The following FAF1 variants were observed in gnomAD, a reference collection of about 807,000 sequenced individuals.
The protein encoded by FAF1 is FAS-associated factor 1.
In FAF1, 25 loss-of-function variants were observed where a neutral mutation model predicts 92.5. The observed-to-expected ratio is 0.27, with a 90% CI of 0.20 to 0.38. The LOEUF is 0.38. Ranked by LOEUF, FAF1 falls within the 10% of genes least tolerant of loss-of-function variation. FAF1 has a pLI of 1.00. For synonymous variants in FAF1, 234 were observed against 273.2 expected, an observed-to-expected ratio of 0.86 and a Z score of 1.42; for missense variants, 636 against 793.3, an observed-to-expected ratio of 0.80 and a Z score of 2.38.
intron 4 of FAF1, among the ~76,000 whole-genome samples, chr1:50,772,964 G>T (rs1017812754): frequency 3.9e-5 from 6 of 152,144 alleles, no homozygotes; most frequent in Non-Finnish European, 7.4e-5. Flanking sequence ...AACAAGAAAT[G>T]ATTTAATGGC....
intron 8 of FAF1, among the ~76,000 whole-genome samples, chr1:50,610,442 TTAAAA>T (rs1557433806): frequency 1.3e-5 from 2 of 152,200 alleles, no homozygotes; most frequent in African/African-American, 4.8e-5. Flanking sequence ...AGAAACCATG[TTAAAA>T]TAAAAACAAA....
chr1:50,760,742 T>C lies in FAF1; in HGVS notation c.368-15967A>G, dbSNP rs576155012. On this transcript the variant is annotated intron_variant, in intron 4 of 18. Coordinates refer to ENST00000396153, the MANE Select transcript of FAF1 (RefSeq NM_007051.3). ...TGCCCACAAGAGAAAGCTGGAAAGA[T>C]CCAAAATTGACACCCTAACATCACA... 7.5e-4 allele frequency among the ~76,000 whole-genome samples: 114 copies of C among 151,772 alleles called. 1 individual carries two copies. Among genetic ancestry groups the C allele is most frequent in the African/African-American group, 2.7e-3 (110 of 41,338 alleles).
At chr1:50,934,429 T>A (rs1291893485) in intron 1 of FAF1, among the ~76,000 whole-genome samples, 2 of 152,184 alleles carry the variant, frequency 1.3e-5, no homozygotes, top group African/African-American at 4.8e-5. Context: ...TTTGATCATA[T>A]AACACTGTCT....
intron 15 of FAF1, among the ~76,000 whole-genome samples, chr1:50,526,857 A>AC (rs1647834481): frequency 6.9e-6 from 1 of 145,428 alleles, no homozygotes; most frequent in Non-Finnish European, 1.5e-5. Context: ...TTACCTGACG[A>AC]CTTTTTTTTT....
intron 13 of FAF1, among the ~76,000 whole-genome samples, chr1:50,551,568 A>G (rs1283664723): frequency 6.6e-6 from 1 of 152,254 alleles, no homozygotes; most frequent in Non-Finnish European, 1.5e-5. Flanking sequence ...ATGAACAATT[A>G]GAATACAGTA....
At chr1:50,589,733 A>T (rs1421969828) in intron 9 of FAF1, among the ~76,000 whole-genome samples, 1 of 152,210 alleles carries the variant, frequency 6.6e-6, no homozygotes, top group Non-Finnish European at 1.5e-5. Flanking sequence ...CATTAGTGTC[A>T]TACCAAGATA....
chr1:50,612,274 C>T, intron 8 of FAF1: 1 of 869,922 alleles, frequency 1.1e-6, no homozygotes, highest in Non-Finnish European at 1.6e-6. Flanking sequence ...TCTACAATCA[C>T]AACAAATTCA....
intron 1 of FAF1, among the ~76,000 whole-genome samples, chr1:50,955,984 G>A (rs1645263607): frequency 6.6e-6 from 1 of 152,172 alleles, no homozygotes; most frequent in Non-Finnish European, 1.5e-5. Context: ...GCCAGGGGCT[G>A]AGGAGAGAGG....
intron 15 of FAF1, among the ~76,000 whole-genome samples, chr1:50,499,023 C>G (rs774572263): frequency 1.3e-5 from 2 of 152,100 alleles, no homozygotes; most frequent in Non-Finnish European, 2.9e-5. Context: ...TATATACCTA[C>G]AGTGGAATAT....
intron 2 of FAF1, among the ~76,000 whole-genome samples, chr1:50,836,140 T>C (rs1365711559): frequency 6.6e-6 from 1 of 151,598 alleles, no homozygotes; most frequent in Non-Finnish European, 1.5e-5. Context: ...TTGGGGATTT[T>C]GTGTGTGTGT....
intron 7 of FAF1, among the ~76,000 whole-genome samples, chr1:50,681,233 G>A (rs1656406996): frequency 6.6e-6 from 1 of 152,006 alleles, no homozygotes; most frequent in African/African-American, 2.4e-5. Flanking sequence ...TTTTAGTAGA[G>A]ACAGGGTTTA....
intron 2 of FAF1, among the ~76,000 whole-genome samples, chr1:50,811,882 C>G (rs1643918794): frequency 6.6e-6 from 1 of 152,018 alleles, no homozygotes; most frequent in African/African-American, 2.4e-5. Context: ...ACCCATGGAA[C>G]AGAATAGAGA....
intron 1 of FAF1, among the ~76,000 whole-genome samples, chr1:50,897,487 T>C (rs1264574146): frequency 1.3e-5 from 2 of 152,234 alleles, no homozygotes; most frequent in African/African-American, 4.8e-5. Flanking sequence ...TATTATAAAA[T>C]ATATGGCTAT....
chr1:50,922,166 C>CA (rs764328893), intron 1 of FAF1, among the ~76,000 whole-genome samples: 2,409 of 116,964 alleles, frequency 0.021, 29 homozygotes, highest in Middle Eastern at 0.048. Flanking sequence ...GACTCCGTCT[C>CA]AAAAAAAAAA....
Position 50,441,045 on chromosome 1 carries a change from C to T in FAF1, c.*395G>A, listed in dbSNP as rs1403368919. The T allele has an allele frequency of 6.2e-6, 1 of 162,380 alleles. No individual in the cohort carries two copies. The highest frequency in any genetic ancestry group is 2.4e-5 in the African/African-American group (1 of 41,926). 10.1% of individuals were successfully genotyped at this position (162,380 alleles called of 1,614,324 possible). A position where few individuals can be genotyped will look rare whatever the true frequency, so the allele number is the denominator to read the frequency against. ...AAATTCAGTCATGAAAATAAAAAGACATATATCAAATATACAGCATCCTGG... is the reference window on the plus strand; with the variant it reads ...AAATTCAGTCATGAAAATAAAAAGATATATATCAAATATACAGCATCCTGG... On this transcript the variant is annotated 3_prime_UTR_variant, in exon 19 of 19. Transcript: ENST00000396153.
rs1658116512 is a variant in FAF1 at position 50,715,072 on chromosome 1, A to G, written c.552-9181T>C. 3 of 395,262 alleles carry G rather than the reference A, an allele frequency of 7.6e-6. No individual in the cohort carries two copies. The Admixed American group carries it at 9.6e-5, about 13-fold the overall frequency. 24.5% of individuals were successfully genotyped at this position (395,262 alleles called of 1,614,324 possible). On this transcript the variant is annotated intron_variant, in intron 6 of 18. Coordinates refer to ENST00000396153, the MANE Select transcript of FAF1 (RefSeq NM_007051.3). ...ACAAGGACACAATTTGGTTTCTACA[A>G]ACAGAAAAAGACTATTAAAACTAAC...
chr1:50,670,780 A>C (rs1655841135), intron 7 of FAF1, among the ~76,000 whole-genome samples: 1 of 151,952 alleles, frequency 6.6e-6, no homozygotes, highest in Admixed American at 6.6e-5. Context: ...AAATACAAAA[A>C]TTAGCCAGGT....
chr1:50,570,814 CA>C (rs1650402626), intron 12 of FAF1, among the ~76,000 whole-genome samples: 1 of 152,096 alleles, frequency 6.6e-6, no homozygotes, highest in Non-Finnish European at 1.5e-5. Context: ...AAATGGACTC[CA>C]GACTCAGATT....
chr1:50,584,525 T>C (rs1485224946), intron 10 of FAF1, among the ~76,000 whole-genome samples, 160 bp downstream of exon 10: 1 of 152,154 alleles, frequency 6.6e-6, no homozygotes, highest in African/African-American at 2.4e-5. Context: ...AAATCTAAAT[T>C]CAAAAGGCTC....
Sources: allele counts gnomAD v4.1 joint callset (sites outside exome capture counted in the v4.1 genomes callset), GRCh38; gene constraint gnomAD v4.1.1; transcripts MANE v1.5; gene names NCBI Gene and HGNC (gene_info 2026-07-23, HGNC 2026-07-21).